TMEM272: variants seen among roughly 807,000 people sequenced by gnomAD.
TMEM272 encodes transmembrane protein 272, also known as long intergenic non-protein coding RNA 282.
TMEM272 carries 8 observed loss-of-function variants against 3.7 expected under a neutral mutation model. The observed-to-expected ratio is 2.17, with a 90% CI of 1.27 to 3.91. The LOEUF (loss-of-function observed/expected upper bound fraction) is 3.91, where lower values mean the gene tolerates loss of function less well. Ranked by LOEUF, TMEM272 falls within the 30% of genes most tolerant of loss-of-function variation. TMEM272 has a pLI of 0.00. For missense variants in TMEM272, 166 were observed against 91.5 expected (o/e 1.81, Z -3.32); for synonymous variants, 63 against 39.8 (o/e 1.58, Z -2.20).
the TMEM272 span, chr13:51,909,597 T>C: frequency 2.3e-5 from 28 of 1,243,014 alleles, no homozygotes; most frequent in Non-Finnish European, 3.3e-5. Flanking sequence ...TTTTATCAAC[T>C]TCAGATAACT....
chr13:51,836,791 C>T (rs1956220030), intron 2 of TMEM272, among the ~76,000 whole-genome samples: 1 of 152,094 alleles, frequency 6.6e-6, no homozygotes, highest in Non-Finnish European at 1.5e-5. Context: ...CAAAGAAACA[C>T]ATGTTGGAAG....
At chr13:51,927,596 T>G in the TMEM272 span, among the ~76,000 whole-genome samples, 1 of 152,176 alleles carries the variant, frequency 6.6e-6, no homozygotes, top group African/African-American at 2.4e-5. Flanking sequence ...AATGCCACAT[T>G]AAAACTCATC....
At chr13:51,895,746 AATG>A in the TMEM272 span, among the ~76,000 whole-genome samples, 68 of 152,264 alleles carry the variant, frequency 4.5e-4, no homozygotes, top group Middle Eastern at 0.014. Flanking sequence ...GCATGCAGCT[AATG>A]ATGATATTTA....
the TMEM272 span, among the ~76,000 whole-genome samples, chr13:51,904,426 T>C: frequency 4.7e-4 from 72 of 152,296 alleles, 1 homozygote; most frequent in Middle Eastern, 6.8e-3. Flanking sequence ...TGATAATTGA[T>C]GATCATGATC....
the TMEM272 span, among the ~76,000 whole-genome samples, chr13:51,871,717 T>C: frequency 1.3e-5 from 2 of 151,944 alleles, no homozygotes; most frequent in South Asian, 4.2e-4. Flanking sequence ...AAATAATAAA[T>C]GTTTATTTTT....
chr13:51,845,566 T>G (rs1164344493), upstream of TMEM272, among the ~76,000 whole-genome samples: 1 of 152,066 alleles, frequency 6.6e-6, no homozygotes, highest in Non-Finnish European at 1.5e-5. Context: ...AGAAAAGGGA[T>G]TAAATTGATT....
chr13:51,856,198 C>T, the TMEM272 span, among the ~76,000 whole-genome samples: 1 of 152,134 alleles, frequency 6.6e-6, no homozygotes, highest in African/African-American at 2.4e-5. Context: ...AGTTATAAAT[C>T]ATGGATTCAG....
chr13:51,852,632 G>C, the TMEM272 span, among the ~76,000 whole-genome samples: 541 of 152,042 alleles, frequency 3.6e-3, 2 homozygotes, highest in African/African-American at 0.012. Context: ...GTAATCCCAG[G>C]ACTTTGGGAG....
the TMEM272 span, among the ~76,000 whole-genome samples, chr13:51,914,848 T>G: frequency 6.6e-6 from 1 of 152,232 alleles, no homozygotes; most frequent in Admixed American, 6.5e-5. Flanking sequence ...AGGCCCACGT[T>G]TGAACTCCAG....
the TMEM272 span, among the ~76,000 whole-genome samples, chr13:51,923,900 G>A: frequency 6.6e-6 from 1 of 152,212 alleles, no homozygotes; most frequent in Non-Finnish European, 1.5e-5. Context: ...CTCACCCACA[G>A]GCAGCAGTTT....
At chr13:51,861,718 T>A in the TMEM272 span, among the ~76,000 whole-genome samples, 1 of 152,234 alleles carries the variant, frequency 6.6e-6, no homozygotes, top group South Asian at 2.1e-4. Context: ...ACTTCTGAAA[T>A]TTGATGAAAA....
the TMEM272 span, among the ~76,000 whole-genome samples, chr13:51,907,634 T>C: frequency 6.6e-6 from 1 of 152,232 alleles, no homozygotes; most frequent in Admixed American, 6.5e-5. Context: ...GTAAAGGCTC[T>C]TGCCCATGTT....
At chr13:51,891,264 G>T in the TMEM272 span, among the ~76,000 whole-genome samples, 1 of 152,058 alleles carries the variant, frequency 6.6e-6, no homozygotes, top group African/African-American at 2.4e-5. Flanking sequence ...GAAAAGCCTT[G>T]ATTTTTTTTA....
the TMEM272 span, among the ~76,000 whole-genome samples, chr13:51,904,335 T>C: frequency 6.6e-6 from 1 of 152,188 alleles, no homozygotes; most frequent in East Asian, 1.9e-4. Context: ...TAAAGGCAGA[T>C]GACTGATGAC....
At chr13:51,896,022 T>C in the TMEM272 span, among the ~76,000 whole-genome samples, 1 of 152,224 alleles carries the variant, frequency 6.6e-6, no homozygotes, top group South Asian at 2.1e-4. Context: ...CTCTTTTCTG[T>C]GGACAATGCC....
intron 2 of TMEM272, among the ~76,000 whole-genome samples, chr13:51,832,798 T>A (rs1018006117): frequency 6.6e-6 from 1 of 152,242 alleles, no homozygotes; most frequent in African/African-American, 2.4e-5. Flanking sequence ...TGAATATAGA[T>A]GAACTTCTTT....
the TMEM272 span, among the ~76,000 whole-genome samples, chr13:51,884,276 C>A: frequency 6.6e-6 from 1 of 152,198 alleles, no homozygotes. Context: ...TGGGGTTGAT[C>A]TTACATTTTC....
At chr13:51,909,553 A>C in the TMEM272 span, 511 of 1,099,176 alleles carry the variant, frequency 4.6e-4, 8 homozygotes, top group East Asian at 0.012. Flanking sequence ...TTCCGTCTGA[A>C]GATTTTTAAT....
chr13:51,871,674 C>G, the TMEM272 span, among the ~76,000 whole-genome samples: 1 of 152,116 alleles, frequency 6.6e-6, no homozygotes, highest in East Asian at 1.9e-4. Flanking sequence ...CCCAGCTAAC[C>G]TGTTCTTAGA....
Sources: gnomAD v4.1 joint callset for allele counts (sites outside exome capture counted in the v4.1 genomes callset) on GRCh38, gnomAD v4.1.1 for gene constraint, MANE v1.5 for transcripts, NCBI Gene and HGNC (gene_info 2026-07-23, HGNC 2026-07-21) for gene names.